MCTP1: variants seen among roughly 807,000 people sequenced by gnomAD.
The protein encoded by MCTP1 is multiple C2 and transmembrane domain containing 1.
A neutral mutation model predicts 120.6 loss-of-function variants in MCTP1; 69 were observed. The observed-to-expected ratio is 0.57, with a 90% CI of 0.47 to 0.70. The LOEUF is 0.70. Among genes scored for constraint, MCTP1 ranks in the 30% least tolerant of loss-of-function variants. The probability of loss-of-function intolerance (pLI) is 0.00; values close to 1 mark genes in which losing one functional copy is unlikely to be tolerated. For synonymous variants in MCTP1, 529 were observed against 493.1 expected (o/e 1.07, Z -0.96); for missense variants, 1,203 against 1,248.8 (o/e 0.96, Z 0.55).
intron 17 of MCTP1, among the ~76,000 whole-genome samples, chr5:94,864,240 T>C (rs987551): frequency 0.035 from 5,281 of 151,956 alleles, 201 homozygotes; most frequent in African/African-American, 0.092. Context: ...ATTTTATGAC[T>C]AACAGTTAAA....
intron 1 of MCTP1, among the ~76,000 whole-genome samples, chr5:95,242,473 A>G (rs1026639932): frequency 6.6e-6 from 1 of 152,208 alleles, no homozygotes; most frequent in East Asian, 1.9e-4. Context: ...TTGTAATAAC[A>G]TAAAAGTAGA....
chr5:94,909,376 C>T lies in MCTP1; in HGVS notation c.1527G>A (p.Met509Ile). ...TCCACTGAGGATTCAACGTTTTTGG[C>T]ATAATCTGGAAAAAAAAATCATAAT... ...LGHQKYKSKI[M>I]PKTLNPQWRE... The change falls in exon 10 of 23, where the codon ATG (methionine) becomes ATA (isoleucine). Residue 509 changes from methionine (M) to isoleucine (I), a missense_variant. This residue lies in a region of MCTP1 where 740 missense variants were observed against 871.1 expected (regional missense o/e 0.85). Coordinates refer to ENST00000515393, the MANE Select transcript of MCTP1 (RefSeq NM_024717.7). 1 of 1,570,676 alleles carries T rather than the reference C, an allele frequency of 6.4e-7. No individual in the cohort carries two copies.
At chr5:94,743,724 G>A (rs1237467142) in intron 19 of MCTP1, among the ~76,000 whole-genome samples, 8 of 139,092 alleles carry the variant, frequency 5.8e-5, no homozygotes, top group Admixed American at 2.4e-4. Flanking sequence ...TGCAAGCTCC[G>A]CCTTCCGGGT....
At chr5:95,235,037 C>T (rs1755388964) in intron 1 of MCTP1, among the ~76,000 whole-genome samples, 1 of 151,756 alleles carries the variant, frequency 6.6e-6, no homozygotes, top group Admixed American at 6.6e-5. Context: ...AACTATAGAC[C>T]AATATAGCTC....
chr5:94,958,791 C>CA (rs989128165), intron 2 of MCTP1, among the ~76,000 whole-genome samples: 1 of 151,926 alleles, frequency 6.6e-6, no homozygotes, highest in African/African-American at 2.4e-5. Context: ...GCCTACCAAC[C>CA]AAAAAAACCC....
chr5:95,160,298 T>C (rs917845399), intron 1 of MCTP1, among the ~76,000 whole-genome samples: 12 of 152,160 alleles, frequency 7.9e-5, no homozygotes, highest in African/African-American at 2.9e-4. Context: ...AAAATAGATC[T>C]TCAGGGAGTA....
chr5:95,066,690 TGACAAGATG>T (rs944779749), intron 1 of MCTP1, among the ~76,000 whole-genome samples: 3 of 152,200 alleles, frequency 2.0e-5, no homozygotes, highest in African/African-American at 7.2e-5. Context: ...CTGTCATTTG[TGACAAGATG>T]GACAAACCTG....
chr5:95,056,543 T>G (rs988106763), intron 1 of MCTP1, among the ~76,000 whole-genome samples: 1 of 152,196 alleles, frequency 6.6e-6, no homozygotes, highest in Non-Finnish European at 1.5e-5. Flanking sequence ...AAGGATTAAT[T>G]CATACTATAG....
In MCTP1 at chr5:95,053,024, C is replaced by T. The variant is rs138122244; in HGVS notation, c.721-35540G>A. Among the ~76,000 whole-genome samples, 810 of 152,230 alleles carry T rather than the reference C, an allele frequency of 5.3e-3. 3 individuals are homozygous for T. The highest frequency in any genetic ancestry group is 0.018 in the African/African-American group (767 of 41,530). On this transcript the variant is annotated intron_variant, in intron 1 of 22. Coordinates refer to ENST00000515393, the MANE Select transcript of MCTP1 (RefSeq NM_024717.7). The stretch of plus-strand genomic sequence containing the variant: ...CAAAGTAAAATGTGGCAAAGAAATA[C>T]TCTCAATACTAAAATAAGTCTGTTT...
intron 1 of MCTP1, among the ~76,000 whole-genome samples, chr5:95,176,710 A>G (rs1360708496): frequency 2.0e-5 from 3 of 152,088 alleles, no homozygotes; most frequent in Non-Finnish European, 4.4e-5. Context: ...TTAGCTGGGC[A>G]TGGTGGTGCA....
At chr5:95,095,005 GATTTTTT>G (rs1325164413) in intron 1 of MCTP1, among the ~76,000 whole-genome samples, 89 of 79,546 alleles carry the variant, frequency 1.1e-3, no homozygotes, top group African/African-American at 4.1e-3. Flanking sequence ...TGTTATGTTA[GATTTTTT>G]TTTTTTTTTT....
chr5:94,873,287 C>T (rs375475434), intron 12 of MCTP1, 46 bp from the exon 13 acceptor site: 2 of 1,063,214 alleles, frequency 1.9e-6, no homozygotes, highest in Non-Finnish European at 2.9e-6. Context: ...ATAGCACCCA[C>T]AGTTCACAGT....
chr5:94,924,710 T>C (rs796523427), intron 6 of MCTP1, among the ~76,000 whole-genome samples: 9 of 152,332 alleles, frequency 5.9e-5, no homozygotes, highest in African/African-American at 2.2e-4. Context: ...ATAGAATATC[T>C]AAATTACAGT....
chr5:95,041,690 T>C (rs942409689), intron 1 of MCTP1, among the ~76,000 whole-genome samples: 1 of 152,194 alleles, frequency 6.6e-6, no homozygotes, highest in African/African-American at 2.4e-5. Flanking sequence ...CTGGGGTTTA[T>C]AATTAGTAAA....
intron 6 of MCTP1, among the ~76,000 whole-genome samples, chr5:94,926,052 A>AT (rs954525080): frequency 6.6e-6 from 1 of 152,152 alleles, no homozygotes; most frequent in Non-Finnish European, 1.5e-5. Context: ...AGGACAGTTT[A>AT]TTTTTTTCTA....
intron 18 of MCTP1, among the ~76,000 whole-genome samples, chr5:94,793,126 T>TG (rs1193543247): frequency 3.3e-5 from 5 of 152,032 alleles, no homozygotes; most frequent in Non-Finnish European, 5.9e-5. Flanking sequence ...GGGACAGTGG[T>TG]GGGGGGACTT....
intron 19 of MCTP1, among the ~76,000 whole-genome samples, chr5:94,734,561 A>T (rs1763787849): frequency 6.6e-6 from 1 of 152,170 alleles, no homozygotes; most frequent in Non-Finnish European, 1.5e-5. Flanking sequence ...GGCCTAAAGT[A>T]ATCCTCCCAC....
intron 1 of MCTP1, among the ~76,000 whole-genome samples, chr5:95,104,076 G>A (rs757624470): frequency 6.6e-6 from 1 of 152,084 alleles, no homozygotes; most frequent in Non-Finnish European, 1.5e-5. Flanking sequence ...CAACAGGAAT[G>A]CCTTACGTAT....
intron 2 of MCTP1, among the ~76,000 whole-genome samples, chr5:94,971,072 C>A (rs1197022031): frequency 1.3e-5 from 2 of 152,028 alleles, no homozygotes; most frequent in Non-Finnish European, 2.9e-5. Flanking sequence ...TTAGTTGTGT[C>A]TATTGTCTAC....
Sources: allele counts gnomAD v4.1 joint callset (sites outside exome capture counted in the v4.1 genomes callset), GRCh38; gene constraint gnomAD v4.1.1; regional missense constraint gnomAD v4.1.1; transcripts MANE v1.5; gene names NCBI Gene and HGNC (gene_info 2026-07-23, HGNC 2026-07-21).